Variants in NOTCH3 observed in about 807,000 individuals in gnomAD.
NOTCH3 encodes the protein notch receptor 3.
NOTCH3 carries 86 observed loss-of-function variants against 213.3 expected under a neutral mutation model. That is an observed-to-expected ratio of 0.40 (90% CI 0.34 to 0.48). The LOEUF (loss-of-function observed/expected upper bound fraction) is 0.48, where lower values mean the gene tolerates loss of function less well. Ranked by LOEUF, NOTCH3 falls within the 20% of genes least tolerant of loss-of-function variation. NOTCH3 has a pLI of 0.57. For synonymous variants in NOTCH3, 1,354 were observed against 1,355.9 expected (o/e 1.00, Z 0.03); for missense variants, 2,783 against 3,272.6 (o/e 0.85, Z 3.65).
At chr19:15,199,162 C>T (rs754028542) in intron 1 of NOTCH3, among the ~76,000 whole-genome samples, 11 of 151,968 alleles carry the variant, frequency 7.2e-5, no homozygotes, top group Non-Finnish European at 1.5e-4. Context: ...CGTGCACGGG[C>T]TTGTGTGTCT....
At chr19:15,173,112 T>C (rs1262871139) in intron 25 of NOTCH3, among the ~76,000 whole-genome samples, 19 of 82,358 alleles carry the variant, frequency 2.3e-4, no homozygotes, top group African/African-American at 1.4e-3. Flanking sequence ...TTCTTTTTTT[T>C]TTTTTTTTTT....
At chr19:15,167,103 T>C in intron 29 of NOTCH3, 146 bp downstream of exon 29, 2 of 863,034 alleles carry the variant, frequency 2.3e-6, no homozygotes, top group Non-Finnish European at 3.7e-6. Flanking sequence ...CTTTGTCACT[T>C]CCAACCAAGA....
rs1179125037 is a variant in NOTCH3 at position 15,165,738 on chromosome 19, G to A, written c.5667+49C>T. The A allele has an allele frequency of 2.5e-6, 4 of 1,593,838 alleles. No individual in the cohort carries two copies. Among genetic ancestry groups the A allele is most frequent in the South Asian group, 1.1e-5 (1 of 90,704 alleles). On this transcript the variant is annotated intron_variant, in intron 30 of 32. Coordinates refer to ENST00000263388, the MANE Select transcript of NOTCH3 (RefSeq NM_000435.3). The surrounding 1 kb of genome is among the most constrained non-coding windows in gnomAD (Gnocchi z 4.7). ...AGAACTGGGGCTCAAACCCAGGTAA[G>A]TCTAATGCCTGCCCCAGCTCTGAGG...
At chr19:15,198,917 AAAG>A (rs1191409096) in intron 1 of NOTCH3, among the ~76,000 whole-genome samples, 1 of 152,174 alleles carries the variant, frequency 6.6e-6, no homozygotes, top group African/African-American at 2.4e-5. Flanking sequence ...CAAAAAAAAA[AAAG>A]AGAGAGAGAA....
At chr19:15,163,868 A>G (rs917510527) in intron 31 of NOTCH3, among the ~76,000 whole-genome samples, 16 of 152,192 alleles carry the variant, frequency 1.1e-4, no homozygotes, top group Non-Finnish European at 2.2e-4. Context: ...CATCGACACA[A>G]TGGATTATTA....
At position 15,161,096 on chromosome 19, in the gene NOTCH3, G is replaced by T. The variant is rs751951476; in HGVS notation, c.6532C>A (p.Pro2178Thr). The T allele has an allele frequency of 1.9e-6, 3 of 1,541,304 alleles. No individual in the cohort carries two copies. Among genetic ancestry groups the T allele is most frequent in the South Asian group, 1.2e-5 (1 of 84,294 alleles). ...AGGAACGAGGGGCCTGGAGGGGCAG[G>T]TGGGGGCAGCCGGGCCCAATCGAGG... is the stretch of plus-strand genomic sequence containing the variant. The part of the protein sequence containing the change: ...VPLDWARLPP[P>T]APPGPSFLLP... Residue 2178 changes from proline (P) to threonine (T), a missense_variant, in exon 33 of 33, where the codon CCT becomes ACT. By Grantham distance (38) the Pro-to-Thr change is conservative. This residue lies in a region of NOTCH3 where 441 missense variants were observed against 432.1 expected (regional missense o/e 1.02). Coordinates refer to ENST00000263388, the MANE Select transcript of NOTCH3 (RefSeq NM_000435.3).
chr19:15,180,344 T>C, intron 19 of NOTCH3, 88 bp from the exon 20 acceptor site: 1 of 1,438,546 alleles, frequency 7.0e-7, no homozygotes, highest in Non-Finnish European at 9.6e-7. Flanking sequence ...ACATCCTTGG[T>C]GGAATGAGTC....
intron 1 of NOTCH3, among the ~76,000 whole-genome samples, chr19:15,198,496 A>T (rs570217599): frequency 8.5e-5 from 13 of 152,334 alleles, no homozygotes; most frequent in African/African-American, 3.1e-4. Flanking sequence ...CACGCCTCTA[A>T]TCCCAACACT....
At chr19:15,182,500 T>C (rs533328556) in intron 16 of NOTCH3, among the ~76,000 whole-genome samples, 4 of 81,816 alleles carry the variant, frequency 4.9e-5, no homozygotes, top group Non-Finnish European at 1.2e-4. Flanking sequence ...GAGTGAGAAC[T>C]TGTCTCAAAA....
chr19:15,160,783 G>A lies in NOTCH3; in HGVS notation c.6845C>T (p.Thr2282Ile), dbSNP rs893908856. Residue 2282 changes from threonine (T) to isoleucine (I), a missense_variant, in exon 33 of 33, where the codon ACC becomes ATC. Thr to Ile is a moderately conservative substitution (Grantham distance 89). Coordinates refer to ENST00000263388, the MANE Select transcript of NOTCH3 (RefSeq NM_000435.3). ...SPATATGAMA[T>I]TTGALPAQPL... ...CTGGGCAGGCAGTGCCCCAGTGGTG[G>A]TGGCCATGGCCCCAGTGGCAGTGGC... 6.2e-7 allele frequency: 1 copy of A among 1,613,910 alleles called. No individual in the cohort carries two copies. The highest frequency in any genetic ancestry group is 1.7e-5 in the Admixed American group (1 of 60,008).
At chr19:15,171,119 G>A (rs1435044946) in intron 25 of NOTCH3, among the ~76,000 whole-genome samples, 2 of 152,142 alleles carry the variant, frequency 1.3e-5, no homozygotes, top group Non-Finnish European at 2.9e-5. Context: ...TTCCCCTCCT[G>A]GGTTCAAGCG....
intron 28 of NOTCH3, among the ~76,000 whole-genome samples, chr19:15,168,001 A>G (rs1293595493): frequency 6.6e-6 from 1 of 151,578 alleles, no homozygotes; most frequent in African/African-American, 2.4e-5. Flanking sequence ...GCAGTGCTGC[A>G]ATCATACCTC....
rs771814027 is a variant in NOTCH3 at position 15,167,330 on chromosome 19, G to A, written c.5281C>T (p.Arg1761Cys). Residue 1761 changes from arginine to cysteine, a missense_variant, in exon 29 of 33, where the codon CGC (arginine) becomes TGC (cysteine). By Grantham distance (180) the Arg-to-Cys change is radical. Around this residue, in one of 6 missense-constraint regions of NOTCH3, gnomAD observed 636 missense variants for 801.8 expected, o/e 0.79. Transcript: ENST00000263388. ...GTCAGTGCCATGGCTGGTGCCACGC[G>A]GATGTCAGCAGCAACCAGATGGTGT... is the stretch of plus-strand genomic sequence containing the variant. ...TQHHLVAADIRVAPAMALTPP... is the reference protein window; with the variant it reads ...TQHHLVAADICVAPAMALTPP... The A allele has an allele frequency of 1.4e-5, 22 of 1,613,094 alleles. No homozygotes were observed. Among genetic ancestry groups the A allele is most frequent in the East Asian group, 1.3e-4 (6 of 44,886 alleles).
Position 15,165,644 on chromosome 19 carries a change from G to T in NOTCH3, c.5668-129C>A. On this transcript the variant is annotated intron_variant, in intron 30 of 32. Transcript: ENST00000263388. The surrounding 1 kb of genome is among the most constrained non-coding windows in gnomAD (Gnocchi z 4.7). ...TGAAATTGGTGAGGTTCAGGGAGCAGCTGCTTGACAGATACTGTATTCCCA... is the reference window on the plus strand; with the variant it reads ...TGAAATTGGTGAGGTTCAGGGAGCATCTGCTTGACAGATACTGTATTCCCA... 1 of 1,052,486 alleles carries T rather than the reference G, an allele frequency of 9.5e-7. No individual in the cohort carries two copies. Among genetic ancestry groups the T allele is most frequent in the Non-Finnish European group, 1.3e-6 (1 of 752,426 alleles). The allele number at this position is 1,052,486 out of a possible 1,614,324, so 65.2% of individuals were successfully genotyped here. A position where few individuals can be genotyped will look rare whatever the true frequency, so the allele number is the denominator to read the frequency against.
chr19:15,178,707 A>C, intron 23 of NOTCH3, 116 bp downstream of exon 23: 1 of 788,534 alleles, frequency 1.3e-6, no homozygotes, highest in Non-Finnish European at 2.2e-6. Flanking sequence ...TTTTCCAGAA[A>C]CTCCCTTCCC....
chr19:15,166,777 C>T (rs2046689408), intron 29 of NOTCH3, among the ~76,000 whole-genome samples: 1 of 152,214 alleles, frequency 6.6e-6, no homozygotes, highest in Non-Finnish European at 1.5e-5. Flanking sequence ...ATTCTCAAGC[C>T]CTGGGTAGAG....
At chr19:15,189,674 C>T (rs1257702034) in intron 6 of NOTCH3, among the ~76,000 whole-genome samples, 8 of 152,058 alleles carry the variant, frequency 5.3e-5, no homozygotes, top group South Asian at 4.1e-4. Context: ...TGTGCCACCA[C>T]GCCCGGCTAA....
chr19:15,180,398 C>A, intron 19 of NOTCH3, 142 bp from the exon 20 acceptor site: 1 of 989,252 alleles, frequency 1.0e-6, no homozygotes, highest in Non-Finnish European at 1.5e-6. Flanking sequence ...ACACATCCCC[C>A]CAGCAGGCAA....
Position 15,165,268 on chromosome 19 carries a change from A to G in NOTCH3, c.5815+100T>C. 8.0e-7 allele frequency: 1 copy of G among 1,252,074 alleles called. No homozygotes were observed. The highest frequency in any genetic ancestry group is 2.3e-5 in the East Asian group (1 of 43,316). 77.6% of individuals were successfully genotyped at this position (1,252,074 alleles called of 1,614,324 possible). A position where few individuals can be genotyped will look rare whatever the true frequency, so the allele number is the denominator to read the frequency against. ...GCCTGGTTATGTGTGCGTGAGCTTC[A>G]GTGATTGGGTCTCAACATGGGTATG... On this transcript the variant is annotated intron_variant, in intron 31 of 32. Transcript: ENST00000263388. This position sits in a 1 kb window ranked among gnomAD's most constrained non-coding sequence, Gnocchi z 4.7.
Sources: gnomAD v4.1 joint callset for allele counts (sites outside exome capture counted in the v4.1 genomes callset) on GRCh38, gnomAD v4.1.1 for gene constraint, gnomAD v4.1.1 regional missense constraint, Gnocchi (gnomAD v3.1) non-coding constraint, MANE v1.5 for transcripts, NCBI Gene and HGNC (gene_info 2026-07-23, HGNC 2026-07-21) for gene names.